The following LRCH2 variants were observed in gnomAD, a reference collection of about 807,000 sequenced individuals.
LRCH2 encodes leucine rich repeats and calponin homology domain containing 2.
LRCH2 carries 38 observed loss-of-function variants against 68.9 expected under a neutral mutation model. That is an observed-to-expected ratio of 0.55 (90% CI 0.43 to 0.72). LRCH2 has a LOEUF of 0.72. LRCH2 is among the 30% of genes least tolerant of loss of function. The pLI is 0.00. For missense variants in LRCH2, 528 were observed against 572.9 expected, an observed-to-expected ratio of 0.92 and a Z score of 0.80; for synonymous variants, 191 against 208.1, an observed-to-expected ratio of 0.92 and a Z score of 0.71.
intron 2 of LRCH2, among the ~76,000 whole-genome samples, chrX:115,187,768 T>G (rs782526164): frequency 8.9e-6 from 1 of 112,811 alleles, no homozygotes; most frequent in Non-Finnish European, 1.9e-5. Context: ...ATCCTTGAAG[T>G]AGAAGCAAGA....
At position 115,192,635 on chromosome X, in the gene LRCH2, G is replaced by A. The variant is rs782660012; in HGVS notation, c.350-4265C>T. On this transcript the variant is annotated intron_variant, in intron 1 of 20. Coordinates refer to ENST00000317135, the MANE Select transcript of LRCH2 (RefSeq NM_020871.4). Reference sequence around the variant, plus strand: ...CGCTTCGAGAGGGGGGAAGGCCGGAGCAGATACTAAGCAGGAACAGACTTG... The same window carrying A: ...CGCTTCGAGAGGGGGGAAGGCCGGAACAGATACTAAGCAGGAACAGACTTG... 7.7e-5 allele frequency: 90 copies of A among 1,168,084 alleles called. No individual in the cohort carries two copies. Among genetic ancestry groups the A allele is most frequent in the Middle Eastern group, 2.4e-4 (1 of 4,127 alleles).
chrX:115,205,862 T>C (rs1245452572), intron 1 of LRCH2, among the ~76,000 whole-genome samples: 4 of 109,900 alleles, frequency 3.6e-5, no homozygotes, highest in African/African-American at 1.3e-4. Flanking sequence ...CACTTGAACC[T>C]GGGAGGCGGA....
chrX:115,227,083 G>T (rs1361249365), intron 1 of LRCH2, among the ~76,000 whole-genome samples: 1 of 110,731 alleles, frequency 9.0e-6, no homozygotes, highest in Non-Finnish European at 1.9e-5. Context: ...AGCATCCCTT[G>T]CCTCTACCCA....
chrX:115,187,249 T>C (rs1556554794), intron 2 of LRCH2, among the ~76,000 whole-genome samples: 1 of 112,133 alleles, frequency 8.9e-6, no homozygotes, highest in Non-Finnish European at 1.9e-5. Flanking sequence ...CATTATCATT[T>C]ATGTATATTA....
chrX:115,207,743 C>T (rs1222421380), intron 1 of LRCH2, among the ~76,000 whole-genome samples: 4 of 111,415 alleles, frequency 3.6e-5, no homozygotes, highest in Non-Finnish European at 5.6e-5. Flanking sequence ...GAATGGTGGC[C>T]CTCAAAGATA....
At chrX:115,157,756 T>C (rs1556540170) in intron 11 of LRCH2, among the ~76,000 whole-genome samples, 1 of 109,200 alleles carries the variant, frequency 9.2e-6, no homozygotes, top group Admixed American at 9.9e-5. Flanking sequence ...AAAAGAGTGA[T>C]TTTTTTTTAA....
At chrX:115,161,582 A>G (rs959995236) in intron 11 of LRCH2, among the ~76,000 whole-genome samples, 5 of 111,569 alleles carry the variant, frequency 4.5e-5, no homozygotes, top group Admixed American at 9.6e-5. Context: ...TAGGGAGAAC[A>G]TATAATTTTT....
chrX:115,139,442 A>G (rs2072317509), intron 14 of LRCH2, among the ~76,000 whole-genome samples: 1 of 112,272 alleles, frequency 8.9e-6, no homozygotes, highest in African/African-American at 3.2e-5. Flanking sequence ...ATACTCTAAT[A>G]CTTTTTAACT....
chrX:115,200,354 T>C (rs1231453458), intron 1 of LRCH2, among the ~76,000 whole-genome samples: 2 of 110,470 alleles, frequency 1.8e-5, no homozygotes, highest in African/African-American at 6.6e-5. Flanking sequence ...AGTTGATTCT[T>C]CAAAAAGATA....
intron 1 of LRCH2, among the ~76,000 whole-genome samples, chrX:115,233,326 T>C (rs2073164851): frequency 8.9e-6 from 1 of 112,107 alleles, no homozygotes; most frequent in Admixed American, 9.4e-5. Context: ...TTTTTGTGTT[T>C]CGTTTAGTTT....
chrX:115,192,901 T>C (rs147304249), intron 1 of LRCH2: 34 of 330,636 alleles, frequency 1.0e-4, no homozygotes, highest in Non-Finnish European at 1.5e-4. Flanking sequence ...TATTTACAAG[T>C]TGAAATACGA....
rs1408769713 is a variant in LRCH2 at position 115,119,865 on chromosome X, G to A, written c.2178+2662C>T. Among the ~76,000 whole-genome samples, 60 of 109,270 alleles carry A rather than the reference G, an allele frequency of 5.5e-4. No homozygotes were observed. In the East Asian group the frequency reaches 5.5e-3, roughly 10 times the overall value. The allele number at this position is 109,270 out of a possible 115,157, so 94.9% of individuals were successfully genotyped here. A position where few individuals can be genotyped will look rare whatever the true frequency, so the allele number is the denominator to read the frequency against. On this transcript the variant is annotated intron_variant, in intron 20 of 20. Coordinates refer to ENST00000317135, the MANE Select transcript of LRCH2 (RefSeq NM_020871.4). ...GAACAGAGCCCTCAGAAATAACACC[G>A]CATACCTACAACTGTCTGATCTTTG... is the stretch of plus-strand genomic sequence containing the variant.
At chrX:115,169,559 G>C (rs781961419) in intron 6 of LRCH2, among the ~76,000 whole-genome samples, 3 of 111,348 alleles carry the variant, frequency 2.7e-5, no homozygotes, top group Admixed American at 9.6e-5. Flanking sequence ...AACTTGTGCT[G>C]TTAACAATAG....
chrX:115,219,077 A>G (rs140756620), intron 1 of LRCH2, among the ~76,000 whole-genome samples: 11,746 of 111,688 alleles, frequency 0.11, 605 homozygotes, highest in Non-Finnish European at 0.16. Flanking sequence ...AAAGTCTAAT[A>G]TAATACGAGA....
At chrX:115,115,920 T>C (rs1272049084) in intron 20 of LRCH2, among the ~76,000 whole-genome samples, 1 of 109,490 alleles carries the variant, frequency 9.1e-6, no homozygotes, top group African/African-American at 3.3e-5. Context: ...AAAGAACATA[T>C]ACAAATCAAT....
chrX:115,142,213 A>G (rs1451746487), intron 14 of LRCH2, among the ~76,000 whole-genome samples: 1 of 112,147 alleles, frequency 8.9e-6, no homozygotes, highest in Admixed American at 9.5e-5. Flanking sequence ...ATACAGTAAT[A>G]GCTGGAGACT....
At chrX:115,220,014 A>G (rs1225868799) in intron 1 of LRCH2, among the ~76,000 whole-genome samples, 2 of 112,088 alleles carry the variant, frequency 1.8e-5, no homozygotes, top group Non-Finnish European at 3.8e-5. Context: ...TCTTTCCCAT[A>G]AAGTTTAAAA....
chrX:115,113,872 T>C (rs2072061076), intron 20 of LRCH2, among the ~76,000 whole-genome samples: 1 of 111,406 alleles, frequency 9.0e-6, no homozygotes, highest in Non-Finnish European at 1.9e-5. Flanking sequence ...TTTCATTAAT[T>C]AGCCCTCACC....
At chrX:115,159,574 AC>A (rs1333352306) in intron 11 of LRCH2, among the ~76,000 whole-genome samples, 1 of 109,879 alleles carries the variant, frequency 9.1e-6, no homozygotes, top group African/African-American at 3.3e-5. Context: ...ACATGGTGAA[AC>A]CCCGTCTCTA....
Sources: gnomAD v4.1 joint callset for allele counts (sites outside exome capture counted in the v4.1 genomes callset) on GRCh38, gnomAD v4.1.1 for gene constraint, MANE v1.5 for transcripts, NCBI Gene and HGNC (gene_info 2026-07-23, HGNC 2026-07-21) for gene names.